Variants in ENTREP2 observed in about 807,000 individuals in gnomAD.
ENTREP2 encodes the protein endosomal transmembrane epsin interactor 2.
At chr15:29,657,000 G>T in the ENTREP2 span, among the ~76,000 whole-genome samples, 3 of 152,250 alleles carry the variant, frequency 2.0e-5, no homozygotes, top group Admixed American at 6.5e-5. Context: ...CAGGGTGTTC[G>T]TGGTCTCGCT....
chr15:29,284,901 A>C, the ENTREP2 span, among the ~76,000 whole-genome samples: 27 of 152,332 alleles, frequency 1.8e-4, no homozygotes, highest in African/African-American at 5.3e-4. Context: ...ACGTCAATGC[A>C]AGTTATAACA....
chr15:29,123,097 C>T, the ENTREP2 span: 1 of 494,496 alleles, frequency 2.0e-6, no homozygotes, highest in Non-Finnish European at 3.6e-6. Context: ...ACGTGAAAGT[C>T]ATCTTTCCGA....
At chr15:29,444,854 G>T in the ENTREP2 span, among the ~76,000 whole-genome samples, 1 of 152,166 alleles carries the variant, frequency 6.6e-6, no homozygotes, top group African/African-American at 2.4e-5. Flanking sequence ...GTCCCTGGAG[G>T]GGGGCACTGG....
At chr15:29,150,275 G>T in the ENTREP2 span, among the ~76,000 whole-genome samples, 2 of 152,088 alleles carry the variant, frequency 1.3e-5, no homozygotes, top group Non-Finnish European at 2.9e-5. Flanking sequence ...GCCTGCTCAT[G>T]CCCCACCCAT....
the ENTREP2 span, among the ~76,000 whole-genome samples, chr15:29,315,199 A>T: frequency 7.9e-5 from 12 of 151,866 alleles, no homozygotes; most frequent in Middle Eastern, 3.2e-3. Context: ...CATATTGATT[A>T]AAAAAAATCA....
the ENTREP2 span, among the ~76,000 whole-genome samples, chr15:29,605,332 AC>A: frequency 6.6e-6 from 1 of 152,078 alleles, no homozygotes; most frequent in Non-Finnish European, 1.5e-5. Context: ...TTGGCCTCCC[AC>A]CCTCTGAACT....
At chr15:29,337,222 G>A in the ENTREP2 span, among the ~76,000 whole-genome samples, 1 of 152,168 alleles carries the variant, frequency 6.6e-6, no homozygotes, top group Admixed American at 6.5e-5. Context: ...GAAATGCTAA[G>A]GGAAAGCATG....
At chr15:29,312,308 C>A in the ENTREP2 span, among the ~76,000 whole-genome samples, 3 of 142,158 alleles carry the variant, frequency 2.1e-5, no homozygotes, top group East Asian at 2.0e-4. Flanking sequence ...TGTGGAAAAA[C>A]AAAAGAATCC....
the ENTREP2 span, among the ~76,000 whole-genome samples, chr15:29,276,237 A>C: frequency 6.6e-6 from 1 of 152,210 alleles, no homozygotes; most frequent in South Asian, 2.1e-4. Context: ...GCCTGGTCTT[A>C]GACTCTCTTT....
the ENTREP2 span, among the ~76,000 whole-genome samples, chr15:29,352,479 G>A: frequency 2.6e-5 from 4 of 152,150 alleles, no homozygotes; most frequent in African/African-American, 7.2e-5. Flanking sequence ...TTAGGTACAC[G>A]GTTTCTTCCT....
chr15:29,668,435 T>C, the ENTREP2 span, among the ~76,000 whole-genome samples: 2 of 152,194 alleles, frequency 1.3e-5, no homozygotes, highest in African/African-American at 4.8e-5. Context: ...AATGAAAACA[T>C]GTCCACATAG....
At chr15:29,139,961 T>G in the ENTREP2 span, among the ~76,000 whole-genome samples, 5 of 152,168 alleles carry the variant, frequency 3.3e-5, no homozygotes, top group Non-Finnish European at 7.4e-5. Context: ...CTGCCGTGCC[T>G]GGGCTGCCGG....
chr15:29,207,455 C>CGGGGG, the ENTREP2 span, among the ~76,000 whole-genome samples: 762 of 122,836 alleles, frequency 6.2e-3, 15 homozygotes, highest in African/African-American at 0.023. Flanking sequence ...GGTTGGGGGG[C>CGGGGG]GGGGGGGGTG....
chr15:29,133,098 C>T, the ENTREP2 span, among the ~76,000 whole-genome samples: 10 of 152,258 alleles, frequency 6.6e-5, no homozygotes, highest in Admixed American at 4.6e-4. Flanking sequence ...ATTGCACCCT[C>T]GGTCAGCCTC....
At chr15:29,379,257 T>C in the ENTREP2 span, among the ~76,000 whole-genome samples, 9 of 152,310 alleles carry the variant, frequency 5.9e-5, no homozygotes, top group Admixed American at 3.9e-4. Flanking sequence ...CTCTATTCCC[T>C]TTCACTGACT....
At chr15:29,363,314 T>C in the ENTREP2 span, among the ~76,000 whole-genome samples, 7 of 152,180 alleles carry the variant, frequency 4.6e-5, no homozygotes, top group Admixed American at 1.3e-4. Flanking sequence ...TAAAGTGATA[T>C]TTGAGCTCAA....
chr15:29,125,641 CTG>C, the ENTREP2 span, among the ~76,000 whole-genome samples: 11 of 152,340 alleles, frequency 7.2e-5, no homozygotes, highest in Non-Finnish European at 1.3e-4. Flanking sequence ...TTGGCAGAAA[CTG>C]TGCCTCCTCT....
chr15:29,580,320 C>T, the ENTREP2 span, among the ~76,000 whole-genome samples: 1 of 152,116 alleles, frequency 6.6e-6, no homozygotes, highest in African/African-American at 2.4e-5. Context: ...TAGTAAAAAC[C>T]CCAACTCCAC....
At chr15:29,271,684 AT>A in the ENTREP2 span, among the ~76,000 whole-genome samples, 1 of 152,124 alleles carries the variant, frequency 6.6e-6, no homozygotes, top group East Asian at 1.9e-4. Context: ...GCTTGCTCTG[AT>A]CAATCACGAC....
Sources: allele counts gnomAD v4.1 joint callset (sites outside exome capture counted in the v4.1 genomes callset), GRCh38; gene constraint gnomAD v4.1.1; transcripts MANE v1.5; gene names NCBI Gene and HGNC (gene_info 2026-07-23, HGNC 2026-07-21).